FBXL20: variants seen among roughly 807,000 people sequenced by gnomAD.
FBXL20 encodes the protein F-box and leucine rich repeat protein 20.
FBXL20 carries 11 observed loss-of-function variants against 64.0 expected under a neutral mutation model. The observed-to-expected ratio is 0.17, with a 90% CI of 0.11 to 0.28. The LOEUF is 0.28. FBXL20 is among the 10% of genes least tolerant of loss of function. FBXL20 has a pLI of 1.00. For synonymous variants in FBXL20, 184 were observed against 189.0 expected (o/e 0.97, Z 0.22); for missense variants, 303 against 526.2 (o/e 0.58, Z 4.15).
chr17:39,374,702 C>G (rs1337233660), intron 1 of FBXL20, among the ~76,000 whole-genome samples: 1 of 152,114 alleles, frequency 6.6e-6, no homozygotes, highest in Non-Finnish European at 1.5e-5. Flanking sequence ...GAAAATAATT[C>G]CATTTACACT....
At chr17:39,271,632 G>A (rs1303829015) in intron 10 of FBXL20, among the ~76,000 whole-genome samples, 1 of 151,358 alleles carries the variant, frequency 6.6e-6, no homozygotes, top group African/African-American at 2.4e-5. Context: ...AAAGGTGGGG[G>A]GGATTGCTTA....
intron 2 of FBXL20, among the ~76,000 whole-genome samples, chr17:39,328,804 G>T (rs962048447): frequency 1.3e-5 from 2 of 152,210 alleles, no homozygotes; most frequent in Non-Finnish European, 2.9e-5. Flanking sequence ...TCTAATTCCA[G>T]TGATTTTGGA....
chr17:39,394,790 C>T (rs1469911056), intron 1 of FBXL20, among the ~76,000 whole-genome samples: 1 of 151,972 alleles, frequency 6.6e-6, no homozygotes, highest in African/African-American at 2.4e-5. Context: ...AACTCCTGAC[C>T]TCAAGTGATC....
At chr17:39,402,241 G>A, upstream of FBXL20, 4 of 1,228,238 alleles carry the variant, frequency 3.3e-6, no homozygotes, top group Non-Finnish European at 3.0e-6. Context: ...TTCTGGATGT[G>A]TCTAGATTGG....
chr17:39,283,633 G>A (rs186993070), intron 7 of FBXL20, among the ~76,000 whole-genome samples: 234 of 152,092 alleles, frequency 1.5e-3, no homozygotes, highest in African/African-American at 5.4e-3. Context: ...TAGTAATGAA[G>A]CCTTTTAAAC....
chr17:39,299,047 C>G lies in FBXL20; in HGVS notation c.272G>C (p.Gly91Ala). ...ACGAAGACTTAACTTTCGTAAAAAG[C>G]CCCCACATCGTTTTGAAATATTCTC... Reference protein sequence around the residue: ...VVENISKRCGGFLRKLSLRGC... With the variant: ...VVENISKRCGAFLRKLSLRGC... Residue 91 changes from glycine to alanine, a missense_variant, in exon 5 of 15, where the codon GGC becomes GCC. By Grantham distance (60) the Gly-to-Ala change is moderately conservative (BLOSUM62 0). Coordinates refer to ENST00000264658, the MANE Select transcript of FBXL20 (RefSeq NM_032875.3). The G allele has an allele frequency of 6.2e-7, 1 of 1,613,728 alleles. No homozygotes were observed. The highest frequency in any genetic ancestry group is 1.1e-5 in the South Asian group (1 of 91,008).
At chr17:39,382,653 G>A (rs1398544292) in intron 1 of FBXL20, among the ~76,000 whole-genome samples, 1 of 151,948 alleles carries the variant, frequency 6.6e-6, no homozygotes, top group Admixed American at 6.6e-5. Flanking sequence ...GGCAAGATAG[G>A]AGAGCCCACT....
chr17:39,324,388 AAGC>A (rs2047390398), intron 2 of FBXL20, among the ~76,000 whole-genome samples: 1 of 149,808 alleles, frequency 6.7e-6, no homozygotes, highest in African/African-American at 2.5e-5. Context: ...TCCCAGGTTC[AAGC>A]GATTCTCCTG....
intron 13 of FBXL20, 56 bp downstream of exon 13, chr17:39,265,341 G>A: frequency 7.4e-7 from 1 of 1,360,082 alleles, no homozygotes; most frequent in Admixed American, 1.8e-5. Context: ...TTGAACTGTA[G>A]CACTGGCTTT....
rs2046723943 is a variant in FBXL20, at chr17:39,259,304, A to AAT, written c.*2154_*2155dup. On this transcript the variant is annotated 3_prime_UTR_variant, in exon 15 of 15. Coordinates refer to ENST00000264658, the MANE Select transcript of FBXL20 (RefSeq NM_032875.3). ...GATAGCGAGACCCCATCTCTAAAAAAATAAAATAAAATAAAATAAATAAAT... is the reference window on the plus strand; with the variant it reads ...GATAGCGAGACCCCATCTCTAAAAAAATATAAAATAAAATAAAATAAATAAAT... 1 of 151,952 alleles carries AAT rather than the reference A, an allele frequency of 6.6e-6. No homozygotes were observed. Among genetic ancestry groups the AAT allele is most frequent in the African/African-American group, 2.4e-5 (1 of 41,380 alleles). The allele number at this position is 151,952 out of a possible 1,614,324, so 9.4% of individuals were successfully genotyped here.
chr17:39,392,432 T>A (rs2144678592), intron 1 of FBXL20, among the ~76,000 whole-genome samples: 2 of 120,530 alleles, frequency 1.7e-5, no homozygotes, highest in South Asian at 2.3e-4. Context: ...AGAGTGAGAT[T>A]GTCTCCAAAA....
At chr17:39,350,811 T>C (rs1330224561) in intron 1 of FBXL20, among the ~76,000 whole-genome samples, 1 of 152,144 alleles carries the variant, frequency 6.6e-6, no homozygotes, top group Non-Finnish European at 1.5e-5. Flanking sequence ...CTTACAAGAA[T>C]TGAAAATTCA....
intron 1 of FBXL20, among the ~76,000 whole-genome samples, chr17:39,396,529 G>A (rs2048184820): frequency 6.6e-6 from 1 of 150,872 alleles, no homozygotes; most frequent in Non-Finnish European, 1.5e-5. Flanking sequence ...CCAGGAGGCG[G>A]AGGTTGCAGT....
intron 1 of FBXL20, among the ~76,000 whole-genome samples, chr17:39,352,700 A>G (rs2047699225): frequency 6.6e-6 from 1 of 151,740 alleles, no homozygotes; most frequent in Admixed American, 6.6e-5. Flanking sequence ...AAAAAAAAGA[A>G]AAGAAGAAAA....
At chr17:39,335,235 G>C (rs1316009565) in intron 2 of FBXL20, among the ~76,000 whole-genome samples, 1 of 151,300 alleles carries the variant, frequency 6.6e-6, no homozygotes, top group Non-Finnish European at 1.5e-5. Context: ...TCTGTAATAC[G>C]CTTCCCCCTG....
At chr17:39,384,499 T>A (rs964334987) in intron 1 of FBXL20, among the ~76,000 whole-genome samples, 1 of 150,604 alleles carries the variant, frequency 6.6e-6, no homozygotes, top group Admixed American at 6.6e-5. Flanking sequence ...CACTCCACCC[T>A]GGAGGCAGAG....
chr17:39,368,493 C>T (rs1213852554), intron 1 of FBXL20, among the ~76,000 whole-genome samples: 3 of 152,176 alleles, frequency 2.0e-5, no homozygotes, highest in Non-Finnish European at 4.4e-5. Context: ...CCTTTTCCTA[C>T]CAAGTCCTAA....
At chr17:39,279,213 TAAGG>T (rs1263331140) in intron 9 of FBXL20, among the ~76,000 whole-genome samples, 1 of 152,096 alleles carries the variant, frequency 6.6e-6, no homozygotes, top group Non-Finnish European at 1.5e-5. Flanking sequence ...ATCGGAATTG[TAAGG>T]AAGAGCCCAG....
intron 1 of FBXL20, among the ~76,000 whole-genome samples, chr17:39,398,832 G>A (rs540829646): frequency 2.0e-5 from 3 of 151,920 alleles, no homozygotes; most frequent in African/African-American, 7.3e-5. Context: ...CCACTACCAC[G>A]CCCGGCTAAT....
Sources: gnomAD v4.1 joint callset for allele counts (sites outside exome capture counted in the v4.1 genomes callset) on GRCh38, gnomAD v4.1.1 for gene constraint, MANE v1.5 for transcripts, NCBI Gene and HGNC (gene_info 2026-07-23, HGNC 2026-07-21) for gene names.